The following WDFY4 variants were observed in gnomAD, a reference collection of about 807,000 sequenced individuals.
The protein encoded by WDFY4 is WD repeat- and FYVE domain-containing protein 4.
A neutral mutation model predicts 351.9 loss-of-function variants in WDFY4; 169 were observed. That is an observed-to-expected ratio of 0.48 (90% CI 0.42 to 0.55). WDFY4 has a LOEUF of 0.55. Ranked by LOEUF, WDFY4 falls within the 20% of genes least tolerant of loss-of-function variation. WDFY4 has a pLI of 0.00. For synonymous variants in WDFY4, 1,622 were observed against 1,574.6 expected (o/e 1.03, Z -0.71); for missense variants, 3,803 against 3,935.6 (o/e 0.97, Z 0.90).
chr10:48,801,926 G>A (rs887214338), intron 24 of WDFY4, among the ~76,000 whole-genome samples: 1 of 152,088 alleles, frequency 6.6e-6, no homozygotes, highest in Non-Finnish European at 1.5e-5. Flanking sequence ...GTCACTATCT[G>A]TAGGTGATAC....
intron 47 of WDFY4, among the ~76,000 whole-genome samples, chr10:48,939,834 A>G (rs1431938308): frequency 3.9e-5 from 6 of 152,224 alleles, no homozygotes. Context: ...CTGATAGCCA[A>G]TGAAATGAGG....
At chr10:48,875,018 G>T in intron 41 of WDFY4, 71 bp from the exon 42 acceptor site, 1 of 948,090 alleles carries the variant, frequency 1.1e-6, no homozygotes, top group Non-Finnish European at 1.5e-6. Context: ...TGAATCTGTG[G>T]AATTGGAGGT....
chr10:48,798,435 G>A (rs1396204866), intron 24 of WDFY4, among the ~76,000 whole-genome samples: 1 of 152,068 alleles, frequency 6.6e-6, no homozygotes, highest in Non-Finnish European at 1.5e-5. Context: ...AATAATATTA[G>A]GAAGGAAAAG....
At chr10:48,756,588 T>A (rs1053921805) in intron 12 of WDFY4, among the ~76,000 whole-genome samples, 1 of 152,096 alleles carries the variant, frequency 6.6e-6, no homozygotes, top group Admixed American at 6.5e-5. Context: ...GAATATAACA[T>A]CAGCTATGGG....
intron 28 of WDFY4, among the ~76,000 whole-genome samples, chr10:48,810,258 G>C (rs925997598): frequency 6.6e-6 from 1 of 152,090 alleles, no homozygotes; most frequent in East Asian, 1.9e-4. Context: ...AGGGGCATGC[G>C]CATTTTTACC....
Position 48,743,470 on chromosome 10 carries a change from C to A in WDFY4, c.2381C>A (p.Pro794Gln), listed in dbSNP as rs756232461. ...GAGTCCCTGAGGACCAAGCAGGGGC[C>A]GGTTGTGGATGTTCAGAAGGGAGAA... ...LKESLRTKQG[P>Q]VVDVQKGETG... Residue 794 changes from proline (P) to glutamine (Q), a missense_variant, in exon 12 of 62, where the codon CCG becomes CAG. Physicochemically the swap from Pro to Gln is moderately conservative, Grantham distance 76. This residue lies in a region of WDFY4 where 3,054 missense variants were observed against 3,148.6 expected (regional missense o/e 0.97). Transcript: ENST00000325239. 1.3e-6 allele frequency: 2 copies of A among 1,547,972 alleles called. No individual in the cohort carries two copies. Among genetic ancestry groups the A allele is most frequent in the Admixed American group, 2.0e-5 (1 of 50,970 alleles).
intron 32 of WDFY4, 140 bp downstream of exon 32, chr10:48,817,549 G>A (rs565124000): frequency 5.4e-6 from 6 of 1,112,860 alleles, no homozygotes; most frequent in Admixed American, 2.9e-5. Flanking sequence ...TGAATAAGCA[G>A]CTTGGATAAC....
chr10:48,810,490 A>T, intron 28 of WDFY4, 40 bp from the exon 29 acceptor site: 1 of 1,534,666 alleles, frequency 6.5e-7, no homozygotes, highest in African/African-American at 1.4e-5. Context: ...TCACTCGCTC[A>T]TGGACTGAGA....
chr10:48,879,817 C>T (rs553616955), intron 43 of WDFY4, among the ~76,000 whole-genome samples: 62 of 152,276 alleles, frequency 4.1e-4, no homozygotes, highest in Non-Finnish European at 5.9e-4. Context: ...GCCCTTCCTC[C>T]TTTCATTTCC....
At chr10:48,919,035 C>T (rs1434912688) in intron 47 of WDFY4, among the ~76,000 whole-genome samples, 2 of 152,180 alleles carry the variant, frequency 1.3e-5, no homozygotes, top group African/African-American at 4.8e-5. Flanking sequence ...TTTTCAAGTA[C>T]ATATGGAATA....
chr10:48,944,561 G>A (rs565351041), intron 49 of WDFY4, among the ~76,000 whole-genome samples: 15 of 152,344 alleles, frequency 9.8e-5, no homozygotes, highest in Admixed American at 8.5e-4. Context: ...CCTGCGTAGG[G>A]CTGCTTGGAT....
intron 12 of WDFY4, among the ~76,000 whole-genome samples, chr10:48,754,547 A>G (rs1349455577): frequency 6.6e-6 from 1 of 151,460 alleles, no homozygotes; most frequent in Non-Finnish European, 1.5e-5. Context: ...AATAGCACTT[A>G]TCATTTCTTA....
chr10:48,823,263 AC>A (rs2067888413), intron 35 of WDFY4: 1 of 1,298,518 alleles, frequency 7.7e-7, no homozygotes. Context: ...GTGATGGGGA[AC>A]CCCCTAAAAT....
At chr10:48,922,918 G>C (rs1839221907) in intron 47 of WDFY4, among the ~76,000 whole-genome samples, 1 of 152,216 alleles carries the variant, frequency 6.6e-6, no homozygotes, top group Non-Finnish European at 1.5e-5. Flanking sequence ...AGAGTCACAA[G>C]TGAGTTTTCT....
intron 47 of WDFY4, chr10:48,914,188 T>C (rs1419938771): frequency 6.3e-7 from 1 of 1,590,364 alleles, no homozygotes; most frequent in Non-Finnish European, 8.5e-7. Flanking sequence ...AGAAGTTTAT[T>C]GTTCTGATTG....
intron 31 of WDFY4, 76 bp downstream of exon 31, chr10:48,814,158 T>C: frequency 2.8e-6 from 4 of 1,440,660 alleles, no homozygotes; most frequent in Non-Finnish European, 3.7e-6. Flanking sequence ...ACCTTGACTT[T>C]TCTCTTAGCA....
rs1301375139 is a variant in WDFY4, at chr10:48,727,671, T to G, written c.971+12T>G. On this transcript the variant is annotated intron_variant, in intron 7 of 61. Coordinates refer to ENST00000325239, the MANE Select transcript of WDFY4 (RefSeq NM_001394531.1). ...AAAGTGTTACTTCGGTAAGTGGCTGTGTTTGGTACGGGGAGAGCACAGGAC... is the reference window on the plus strand; with the variant it reads ...AAAGTGTTACTTCGGTAAGTGGCTGGGTTTGGTACGGGGAGAGCACAGGAC... 6 of 1,551,578 alleles carry G rather than the reference T, an allele frequency of 3.9e-6. No homozygotes were observed. The highest frequency in any genetic ancestry group is 5.2e-6 in the Non-Finnish European group (6 of 1,146,860).
intron 20 of WDFY4, 129 bp from the exon 21 acceptor site, chr10:48,788,401 C>A: frequency 8.7e-7 from 1 of 1,144,860 alleles, no homozygotes; most frequent in Non-Finnish European, 1.2e-6. Flanking sequence ...CAAAAACATG[C>A]AATGTGACAA....
At chr10:48,768,723 A>AG (rs1555000834) in intron 13 of WDFY4, among the ~76,000 whole-genome samples, 5 of 140,978 alleles carry the variant, frequency 3.5e-5, no homozygotes, top group African/African-American at 1.3e-4. Context: ...GGGAGAGGAG[A>AG]AGAGAGAGAG....
Sources: allele counts gnomAD v4.1 joint callset (sites outside exome capture counted in the v4.1 genomes callset), GRCh38; gene constraint gnomAD v4.1.1; regional missense constraint gnomAD v4.1.1; transcripts MANE v1.5; gene names NCBI Gene and HGNC (gene_info 2026-07-23, HGNC 2026-07-21).